Variants in BAZ2B observed in about 807,000 individuals in gnomAD.
BAZ2B encodes the protein bromodomain adjacent to zinc finger domain protein 2B.
Under a neutral mutation model 246.0 loss-of-function variants are expected in BAZ2B, and 91 were observed. The ratio of observed to expected loss-of-function variants is 0.37; its 90% CI spans 0.31 to 0.44. The LOEUF (loss-of-function observed/expected upper bound fraction) is 0.44. Among genes scored for constraint, BAZ2B ranks in the 20% least tolerant of loss-of-function variants. BAZ2B has a pLI of 1.00. For synonymous variants in BAZ2B, 855 were observed against 860.0 expected, an observed-to-expected ratio of 0.99 and a Z score of 0.10; for missense variants, 2,332 against 2,533.7, an observed-to-expected ratio of 0.92 and a Z score of 1.71.
intron 2 of BAZ2B, among the ~76,000 whole-genome samples, chr2:159,525,724 C>G (rs1170233519): frequency 6.6e-6 from 1 of 152,126 alleles, no homozygotes. Context: ...TATGTATATA[C>G]TGTTTGAATG....
intron 2 of BAZ2B, chr2:159,516,671 C>T (rs2083473173): frequency 6.6e-6 from 1 of 152,488 alleles, no homozygotes; most frequent in Non-Finnish European, 1.5e-5. Context: ...AACTGAAAGG[C>T]AGGTGGAGCA....
At chr2:159,707,766 G>A in the BAZ2B span, among the ~76,000 whole-genome samples, 461 of 152,318 alleles carry the variant, frequency 3.0e-3, 2 homozygotes, top group African/African-American at 0.01. Context: ...GGCGGAGGTT[G>A]CAGTTAGCGG....
intron 19 of BAZ2B, chr2:159,396,180 C>T (rs979524801): frequency 5.9e-6 from 1 of 168,318 alleles, no homozygotes; most frequent in Non-Finnish European, 1.3e-5. Context: ...GGTCAGTTAC[C>T]TTACATCTGC....
intron 1 of BAZ2B, among the ~76,000 whole-genome samples, chr2:159,613,857 A>G (rs568378837): frequency 2.7e-4 from 41 of 152,328 alleles, no homozygotes; most frequent in African/African-American, 9.6e-4. Flanking sequence ...TATATAGCAT[A>G]TTACATGAAG....
intron 2 of BAZ2B, among the ~76,000 whole-genome samples, chr2:159,503,499 T>C (rs1343776214): frequency 1.3e-5 from 2 of 152,210 alleles, no homozygotes; most frequent in Non-Finnish European, 2.9e-5. Flanking sequence ...CCTGTTAATC[T>C]TGTGTATTCC....
At chr2:159,500,790 C>T (rs959237386) in intron 2 of BAZ2B, among the ~76,000 whole-genome samples, 3 of 151,718 alleles carry the variant, frequency 2.0e-5, no homozygotes, top group Non-Finnish European at 4.4e-5. Flanking sequence ...CCAGTCTTTA[C>T]TAAAAGTACA....
In BAZ2B at chr2:159,320,199, C is replaced by G. The variant is rs2062541324; in HGVS notation, c.*66G>C. 1 of 1,341,118 alleles carries G rather than the reference C, an allele frequency of 7.5e-7. No individual in the cohort carries two copies. 83.1% of individuals were successfully genotyped at this position (1,341,118 alleles called of 1,614,324 possible). A position where few individuals can be genotyped will look rare whatever the true frequency, so the allele number is the denominator to read the frequency against. ...TGTGCCTTGCACGTTTATGTAAATA[C>G]AGTTCACATTGCTGGTCTCATTTGT... On this transcript the variant is annotated 3_prime_UTR_variant, in exon 37 of 37. Transcript: ENST00000392783.
chr2:159,646,763 C>T, the BAZ2B span, among the ~76,000 whole-genome samples: 3 of 151,880 alleles, frequency 2.0e-5, no homozygotes, highest in African/African-American at 7.3e-5. Context: ...GGTTGGGGAC[C>T]CCTGGCTTAA....
At chr2:159,399,845 TG>T (rs2064693271) in intron 17 of BAZ2B, among the ~76,000 whole-genome samples, 1 of 152,174 alleles carries the variant, frequency 6.6e-6, no homozygotes, top group Non-Finnish European at 1.5e-5. Flanking sequence ...CTCTTTTAGA[TG>T]GAAATAATTT....
At chr2:159,540,342 A>G (rs2086514375) in intron 2 of BAZ2B, among the ~76,000 whole-genome samples, 1 of 152,254 alleles carries the variant, frequency 6.6e-6, no homozygotes, top group African/African-American at 2.4e-5. Flanking sequence ...AGCTTTCTTC[A>G]TGTCTCTTTC....
At chr2:159,374,887 T>C in intron 25 of BAZ2B, 134 bp from the exon 26 acceptor site, 1 of 710,298 alleles carries the variant, frequency 1.4e-6, no homozygotes, top group South Asian at 1.9e-5. Context: ...AAACTAATAA[T>C]CTGGTAGAGA....
chr2:159,350,151 C>G lies in BAZ2B; in HGVS notation c.4420G>C (p.Glu1474Gln), dbSNP rs2058402191. Residue 1474 changes from glutamate (E) to glutamine (Q), a missense_variant, in exon 28 of 37, where the codon GAA (glutamate) becomes CAA (glutamine). By Grantham distance (29) the Glu-to-Gln change is conservative (BLOSUM62 2). Transcript: ENST00000392783. ...GACTCAGGAGGCATCTTAGCTACTT[C>G]CAAAAGCTTGCTTAATTTGGAAAAA... The part of the protein sequence containing the change: ...GSFSKLSKLL[E>Q]VAKMPPESEV... The G allele has an allele frequency of 6.2e-7, 1 of 1,614,038 alleles. No homozygotes were observed.
intron 34 of BAZ2B, 68 bp from the exon 35 acceptor site, chr2:159,325,986 T>G: frequency 7.6e-7 from 1 of 1,313,768 alleles, no homozygotes; most frequent in South Asian, 1.5e-5. Flanking sequence ...TATTTTAAAT[T>G]ATGAAAGTCT....
chr2:159,389,883 C>G (rs991265387), intron 20 of BAZ2B, among the ~76,000 whole-genome samples: 1 of 152,060 alleles, frequency 6.6e-6, no homozygotes, highest in Non-Finnish European at 1.5e-5. Flanking sequence ...AGTGAATTAG[C>G]TAGTCTTAAG....
chr2:159,673,832 C>T, the BAZ2B span, among the ~76,000 whole-genome samples: 19 of 151,970 alleles, frequency 1.3e-4, no homozygotes, highest in African/African-American at 3.4e-4. Context: ...TACATATTTT[C>T]GCACACACAC....
At chr2:159,683,580 A>T in the BAZ2B span, among the ~76,000 whole-genome samples, 25 of 152,198 alleles carry the variant, frequency 1.6e-4, no homozygotes, top group Admixed American at 4.6e-4. Context: ...TTGGTTCCTT[A>T]AAATAACACA....
intron 34 of BAZ2B, among the ~76,000 whole-genome samples, chr2:159,331,665 A>G (rs11681926): frequency 0.34 from 52,138 of 152,124 alleles, 11,663 homozygotes; most frequent in Non-Finnish European, 0.51. Context: ...GTGTGAGCCA[A>G]CATACCCAGG....
chr2:159,548,026 G>A (rs913780351), intron 2 of BAZ2B, among the ~76,000 whole-genome samples: 3 of 152,162 alleles, frequency 2.0e-5, no homozygotes, highest in Non-Finnish European at 4.4e-5. Context: ...AGAAAATGCA[G>A]TAGAGGTAAA....
chr2:159,443,546 C>T (rs1349322544), intron 6 of BAZ2B, among the ~76,000 whole-genome samples: 1 of 152,068 alleles, frequency 6.6e-6, no homozygotes, highest in African/African-American at 2.4e-5. Flanking sequence ...ATAGGATTTT[C>T]TTCTTTAGTT....
Sources: gnomAD v4.1 joint callset for allele counts (sites outside exome capture counted in the v4.1 genomes callset) on GRCh38, gnomAD v4.1.1 for gene constraint, MANE v1.5 for transcripts, NCBI Gene and HGNC (gene_info 2026-07-23, HGNC 2026-07-21) for gene names.